PDCD6: variants seen among roughly 807,000 people sequenced by gnomAD.
PDCD6 encodes programmed cell death protein 6.
PDCD6 carries 12 observed loss-of-function variants against 28.3 expected under a neutral mutation model. The observed-to-expected ratio is 0.42, with a 90% CI of 0.27 to 0.69. PDCD6 has a LOEUF of 0.69. Ranked by LOEUF, PDCD6 falls within the 30% of genes least tolerant of loss-of-function variation. The pLI is 0.22. For synonymous variants in PDCD6, 92 were observed against 108.0 expected, an observed-to-expected ratio of 0.85 and a Z score of 0.92; for missense variants, 226 against 269.9, an observed-to-expected ratio of 0.84 and a Z score of 1.14.
Position 314,691 on chromosome 5 carries a change from T to C in PDCD6, c.*176T>C, listed in dbSNP as rs749432176. On this transcript the variant is annotated 3_prime_UTR_variant, in exon 6 of 6. Transcript: ENST00000264933. ...CTGATTAATGGTTTTGCAACTGTAA[T>C]AGTAGCTGTATCGTTCTAATGCAGA... The C allele has an allele frequency of 3.9e-5, 27 of 690,864 alleles. No homozygotes were observed. In the South Asian group the frequency reaches 4.1e-4, roughly 10 times the overall value. 42.8% of individuals were successfully genotyped at this position (690,864 alleles called of 1,614,324 possible).
intron 2 of PDCD6, among the ~76,000 whole-genome samples, chr5:299,275 G>T (rs2126742851): frequency 9.3e-6 from 1 of 106,990 alleles, no homozygotes; most frequent in African/African-American, 4.1e-5. Flanking sequence ...CTGTTCTCAG[G>T]TTTCTCATCC....
chr5:289,402 C>T (rs954346707), intron 2 of PDCD6: 4 of 655,688 alleles, frequency 6.1e-6, no homozygotes, highest in Non-Finnish European at 1.1e-5. Flanking sequence ...CAGATGGTCT[C>T]TCAATACCTT....
chr5:289,288 G>T, intron 2 of PDCD6: 1 of 535,926 alleles, frequency 1.9e-6, no homozygotes, highest in Non-Finnish European at 3.4e-6. Context: ...ATACAGGTGG[G>T]AGAAAAGCCC....
Position 306,788 on chromosome 5 carries a change from C to A in PDCD6, c.367+28C>A, listed in dbSNP as rs369291220. On this transcript the variant is annotated intron_variant, in intron 4 of 5. Transcript: ENST00000264933. The stretch of plus-strand genomic sequence containing the variant: ...AACTCACTCACTCTGGCTTGTGTAG[C>A]GTGTTTCATTTTGGAACCTTGGAGC... The A allele has an allele frequency of 3.8e-6, 6 of 1,599,502 alleles. No individual in the cohort carries two copies. In the African/African-American group the frequency reaches 5.4e-5, roughly 14 times the overall value.
intron 2 of PDCD6, chr5:276,887 T>A (rs1738232666): frequency 1.0e-6 from 1 of 985,000 alleles, no homozygotes; most frequent in Admixed American, 6.2e-5. Context: ...TGAACAGGTA[T>A]GAAGAAGAAG....
At chr5:282,090 G>A (rs948367604) in intron 2 of PDCD6, among the ~76,000 whole-genome samples, 28 of 151,132 alleles carry the variant, frequency 1.9e-4, no homozygotes, top group African/African-American at 6.1e-4. Context: ...GATTCAGGGA[G>A]GAACTGCTCA....
chr5:271,827 G>T lies in PDCD6; in HGVS notation c.101+6G>T. Reference sequence around the variant, plus strand: ...CTGTGGAACGTTTTCCAGAGGTGCGGCCTGGCACCGCCCGGGCACCTCCCG... The same window carrying T: ...CTGTGGAACGTTTTCCAGAGGTGCGTCCTGGCACCGCCCGGGCACCTCCCG... On this transcript the variant is annotated splice_donor_region_variant and intron_variant, in intron 1 of 5. Coordinates refer to ENST00000264933, the MANE Select transcript of PDCD6 (RefSeq NM_013232.4). 2 of 1,391,418 alleles carry T rather than the reference G, an allele frequency of 1.4e-6. No individual in the cohort carries two copies. Among genetic ancestry groups the T allele is most frequent in the Non-Finnish European group, 1.9e-6 (2 of 1,068,126 alleles). The allele number at this position is 1,391,418 out of a possible 1,614,324, so 86.2% of individuals were successfully genotyped here.
chr5:278,745 AAAAGAAAGAGATGGGGCAAGCAGG>A (rs1012380085), intron 2 of PDCD6, among the ~76,000 whole-genome samples: 4 of 150,728 alleles, frequency 2.7e-5, no homozygotes, highest in Non-Finnish European at 5.9e-5. Context: ...GAAAATGAAA[AAAAGAAAGAGATGGGGCAAGCAGG>A]GGAGAGGGCT....
intron 2 of PDCD6, among the ~76,000 whole-genome samples, chr5:280,199 C>T (rs58225261): frequency 0.24 from 36,381 of 151,558 alleles, 6,832 homozygotes; most frequent in African/African-American, 0.53. Flanking sequence ...GGATGCAGAG[C>T]CCGGGAAAGG....
At chr5:301,641 G>A (rs1740058552) in intron 2 of PDCD6, among the ~76,000 whole-genome samples, 1 of 151,562 alleles carries the variant, frequency 6.6e-6, no homozygotes, top group Non-Finnish European at 1.5e-5. Context: ...TGTGGGGAGA[G>A]CACAGCTTCC....
At position 314,794 on chromosome 5, in the gene PDCD6, T is replaced by C. The variant is rs1741162604; in HGVS notation, c.*279T>C. The C allele has an allele frequency of 5.8e-6, 3 of 512,966 alleles. No homozygotes were observed. Among genetic ancestry groups the C allele is most frequent in the Non-Finnish European group, 1.1e-5 (3 of 277,290 alleles). The allele number at this position is 512,966 out of a possible 1,614,324, so 31.8% of individuals were successfully genotyped here. ...GGCATTCTGCTTGCAAAAAAATCTA[T>C]CATGTGCTTTTCTAGATGTCTCTGG... On this transcript the variant is annotated 3_prime_UTR_variant, in exon 6 of 6. Transcript: ENST00000264933.
At chr5:299,432 A>G (rs1203763592) in intron 2 of PDCD6, among the ~76,000 whole-genome samples, 3 of 150,414 alleles carry the variant, frequency 2.0e-5, no homozygotes, top group Admixed American at 6.6e-5. Context: ...TCCTAGCCCA[A>G]TTTCTGTGCT....
At chr5:295,294 C>T (rs1052804250) in intron 2 of PDCD6, among the ~76,000 whole-genome samples, 1 of 152,140 alleles carries the variant, frequency 6.6e-6, no homozygotes, top group Non-Finnish European at 1.5e-5. Flanking sequence ...GAACTGAAAC[C>T]ACAGGCTTGG....
At chr5:273,163 G>A (rs1455615021) in intron 2 of PDCD6, 3 of 201,012 alleles carry the variant, frequency 1.5e-5, no homozygotes, top group Non-Finnish European at 3.2e-5. Context: ...GGCACTGGGG[G>A]GTGATTGTTG....
chr5:313,162 G>T (rs1311188403), intron 5 of PDCD6, among the ~76,000 whole-genome samples: 1 of 152,180 alleles, frequency 6.6e-6, no homozygotes, highest in African/African-American at 2.4e-5. Context: ...GACCCTAAAC[G>T]CTAGACAGAT....
At chr5:300,648 C>T (rs995895098) in intron 2 of PDCD6, among the ~76,000 whole-genome samples, 7 of 152,362 alleles carry the variant, frequency 4.6e-5, no homozygotes, top group African/African-American at 1.4e-4. Context: ...CGTGAAATGC[C>T]TGTGCGCCAC....
chr5:284,874 C>CG (rs111709174), intron 2 of PDCD6, among the ~76,000 whole-genome samples: 19,352 of 143,278 alleles, frequency 0.14, 1,328 homozygotes, highest in Admixed American at 0.17. Flanking sequence ...GGAGACCCCG[C>CG]GGGAAGCTGA....
intron 2 of PDCD6, among the ~76,000 whole-genome samples, chr5:302,105 T>TGTGG (rs1554007712): frequency 5.5e-5 from 7 of 127,926 alleles, no homozygotes; most frequent in South Asian, 2.3e-4. Context: ...TGTGTGTGTG[T>TGTGG]GTGCCTTGGG....
chr5:303,070 G>A (rs1353075958), intron 2 of PDCD6, among the ~76,000 whole-genome samples: 1 of 152,162 alleles, frequency 6.6e-6, no homozygotes, highest in Non-Finnish European at 1.5e-5. Context: ...GGAAGGAAAG[G>A]AAGGAGCTGG....
Sources: gnomAD v4.1 joint callset for allele counts (sites outside exome capture counted in the v4.1 genomes callset) on GRCh38, gnomAD v4.1.1 for gene constraint, MANE v1.5 for transcripts, NCBI Gene and HGNC (gene_info 2026-07-23, HGNC 2026-07-21) for gene names.